The following SNX29 variants were observed in gnomAD, a reference collection of about 807,000 sequenced individuals.
The protein encoded by SNX29 is sorting nexin 29.
In SNX29, 78 loss-of-function variants were observed where a neutral mutation model predicts 102.1. The ratio of observed to expected loss-of-function variants is 0.76; its 90% CI spans 0.64 to 0.92. SNX29 has a LOEUF of 0.92. SNX29 is among the 40% of genes least tolerant of loss of function. SNX29 has a pLI of 0.00. For missense variants in SNX29, 1,280 were observed against 1,061.7 expected, an observed-to-expected ratio of 1.21 and a Z score of -2.86; for synonymous variants, 580 against 414.5, an observed-to-expected ratio of 1.40 and a Z score of -4.85.
rs78013472 is a variant in SNX29, at chr16:12,565,089, C to T, written c.2319-3417C>T. ...GGGGCCCAGTGGGGACACATGGGGT[C>T]GTCTTCTCTTCTGAGTACTGGCCCT... On this transcript the variant is annotated intron_variant, in intron 20 of 20. Coordinates refer to ENST00000566228, the MANE Select transcript of SNX29 (RefSeq NM_032167.5). Among the ~76,000 whole-genome samples, 706 of 152,152 alleles carry T rather than the reference C, an allele frequency of 4.6e-3. 4 individuals carry two copies. Among genetic ancestry groups the T allele is most frequent in the Non-Finnish European group, 7.8e-3 (527 of 67,988 alleles).
At chr16:12,367,499 T>C (rs1180694801) in intron 16 of SNX29, 2 of 152,186 alleles carry the variant, frequency 1.3e-5, no homozygotes, top group South Asian at 2.1e-4. Flanking sequence ...AGTAATTTCA[T>C]ATCCAGGGAT....
At position 12,571,787 on chromosome 16, in the gene SNX29, C is replaced by T. The variant is rs895224019; in HGVS notation, c.*3158C>T. ...CTGAGACAGAACCTTCTCCGCCACT[C>T]TTCCTGCAATCAGTGTGAAATTCCA... On this transcript the variant is annotated 3_prime_UTR_variant, in exon 21 of 21. Transcript: ENST00000566228. The T allele has an allele frequency of 2.0e-5, 20 of 1,012,856 alleles. No individual in the cohort carries two copies. Among genetic ancestry groups the T allele is most frequent in the Non-Finnish European group, 2.3e-5 (19 of 832,548 alleles). 62.7% of individuals were successfully genotyped at this position (1,012,856 alleles called of 1,614,324 possible).
At chr16:12,281,089 C>A (rs1034367335) in intron 15 of SNX29, among the ~76,000 whole-genome samples, 1 of 152,100 alleles carries the variant, frequency 6.6e-6, no homozygotes, top group East Asian at 1.9e-4. Flanking sequence ...TTTAAATTTA[C>A]TTTTTCTAGA....
intron 15 of SNX29, among the ~76,000 whole-genome samples, chr16:12,338,956 G>C (rs906787836): frequency 1.3e-5 from 2 of 152,162 alleles, no homozygotes; most frequent in African/African-American, 4.8e-5. Flanking sequence ...GATTAGGAGT[G>C]TCACATGGAG....
intron 3 of SNX29, among the ~76,000 whole-genome samples, chr16:12,009,443 A>ATGTGTGTGTGTATATATGTGTG (rs2056572413): frequency 6.8e-6 from 1 of 146,124 alleles, no homozygotes; most frequent in African/African-American, 2.6e-5. Flanking sequence ...ATATTTTTAT[A>ATGTGTGTGTGTATATATGTGTG]TGTGTGTGTG....
At chr16:12,068,949 T>A (rs965583997) in intron 9 of SNX29, 108 bp from the exon 10 acceptor site, 3 of 1,020,230 alleles carry the variant, frequency 2.9e-6, no homozygotes, top group Non-Finnish European at 4.4e-6. Context: ...AAAAATTTCT[T>A]AGTCAAGTGA....
chr16:12,049,834 C>T (rs560132676), intron 7 of SNX29, among the ~76,000 whole-genome samples: 7 of 152,134 alleles, frequency 4.6e-5, no homozygotes, highest in African/African-American at 1.7e-4. Context: ...CCAGGCTGGT[C>T]TTGAACTCCT....
chr16:12,159,353 A>G (rs1343025494), intron 13 of SNX29, among the ~76,000 whole-genome samples: 1 of 152,258 alleles, frequency 6.6e-6, no homozygotes, highest in Admixed American at 6.5e-5. Context: ...ACTAATTCCC[A>G]GTAACTAGCA....
At chr16:12,535,960 C>T (rs543609721) in intron 20 of SNX29, among the ~76,000 whole-genome samples, 1 of 152,306 alleles carries the variant, frequency 6.6e-6, no homozygotes, top group South Asian at 2.1e-4. Context: ...CTTCTGAGAG[C>T]TTTGACCCCG....
At chr16:12,445,108 C>T (rs2085989723) in intron 18 of SNX29, among the ~76,000 whole-genome samples, 1 of 151,984 alleles carries the variant, frequency 6.6e-6, no homozygotes, top group South Asian at 2.1e-4. Context: ...ACCTCGGCCT[C>T]TCAAAGTGCT....
chr16:12,491,889 G>T (rs939598844), intron 19 of SNX29, among the ~76,000 whole-genome samples: 1 of 152,136 alleles, frequency 6.6e-6, no homozygotes, highest in Admixed American at 6.6e-5. Flanking sequence ...ATAGTATTCC[G>T]TGGTGTATAT....
chr16:12,541,448 C>T (rs935334582), intron 20 of SNX29, among the ~76,000 whole-genome samples: 10 of 152,160 alleles, frequency 6.6e-5, no homozygotes, highest in South Asian at 4.1e-4. Flanking sequence ...TCTCAAAGGA[C>T]CCACGCTTAG....
Position 12,447,455 on chromosome 16 carries a change from G to C in SNX29, c.2038-30264G>C, listed in dbSNP as rs76805628. Among the ~76,000 whole-genome samples, 125 of 152,244 alleles carry C rather than the reference G, an allele frequency of 8.2e-4. No homozygotes were observed. In the East Asian group the frequency reaches 0.024, roughly 29 times the overall value. ...AAAGATTCTCAATCAGTACTTTCTG[G>C]ATCAATTTTCACCTTTCTAAACCTC... On this transcript the variant is annotated intron_variant, in intron 18 of 20. Transcript: ENST00000566228.
chr16:12,537,263 C>T (rs1040020775), intron 20 of SNX29, among the ~76,000 whole-genome samples: 1 of 152,182 alleles, frequency 6.6e-6, no homozygotes, highest in Non-Finnish European at 1.5e-5. Flanking sequence ...ACCTTCTTTT[C>T]ACCTCAGGAA....
intron 18 of SNX29, among the ~76,000 whole-genome samples, chr16:12,457,591 G>A (rs966098863): frequency 4.6e-5 from 7 of 152,182 alleles, no homozygotes; most frequent in South Asian, 2.1e-4. Flanking sequence ...TTCAAATCAC[G>A]TCTCCACCAC....
At chr16:12,481,552 A>ACC (rs1457637581) in intron 19 of SNX29, among the ~76,000 whole-genome samples, 26 of 119,500 alleles carry the variant, frequency 2.2e-4, no homozygotes, top group East Asian at 6.8e-4. Context: ...ACACACACAC[A>ACC]CACCCCAAAT....
chr16:12,440,267 G>A (rs997592107), intron 18 of SNX29, among the ~76,000 whole-genome samples: 3 of 152,118 alleles, frequency 2.0e-5, no homozygotes, highest in Admixed American at 6.5e-5. Flanking sequence ...TTTTCAAAGT[G>A]TACGATTCAG....
chr16:12,372,255 C>G (rs1360025092), intron 16 of SNX29, among the ~76,000 whole-genome samples: 1 of 152,194 alleles, frequency 6.6e-6, no homozygotes, highest in African/African-American at 2.4e-5. Flanking sequence ...TCGACTTCCT[C>G]CTCTTTCACA....
At chr16:12,469,299 A>G (rs1351035664) in intron 18 of SNX29, among the ~76,000 whole-genome samples, 1 of 152,232 alleles carries the variant, frequency 6.6e-6, no homozygotes, top group Non-Finnish European at 1.5e-5. Context: ...TGGCCATACA[A>G]TAATTCAGGC....
Sources: allele counts gnomAD v4.1 joint callset (sites outside exome capture counted in the v4.1 genomes callset), GRCh38; gene constraint gnomAD v4.1.1; transcripts MANE v1.5; gene names NCBI Gene and HGNC (gene_info 2026-07-23, HGNC 2026-07-21).